TRPM6: variants seen among roughly 807,000 people sequenced by gnomAD.
TRPM6 encodes the protein channel kinase 2.
Under a neutral mutation model 247.6 loss-of-function variants are expected in TRPM6, and 111 were observed. The observed-to-expected ratio is 0.45, with a 90% CI of 0.38 to 0.52. TRPM6 has a LOEUF of 0.52. Ranked by LOEUF, TRPM6 falls within the 20% of genes least tolerant of loss-of-function variation. The pLI is 0.00. For missense variants in TRPM6, 2,126 were observed against 2,421.5 expected, an observed-to-expected ratio of 0.88 and a Z score of 2.56; for synonymous variants, 892 against 853.8, an observed-to-expected ratio of 1.04 and a Z score of -0.78.
At chr9:74,887,372 C>T (rs534811879) in intron 1 of TRPM6, 4 of 1,390,788 alleles carry the variant, frequency 2.9e-6, no homozygotes, top group Middle Eastern at 2.5e-4. Flanking sequence ...AGTCAGCGTC[C>T]GGGTCTGAGA....
At chr9:74,842,978 G>A (rs978250670) in intron 3 of TRPM6, among the ~76,000 whole-genome samples, 17 of 152,174 alleles carry the variant, frequency 1.1e-4, no homozygotes, top group Non-Finnish European at 2.2e-4. Flanking sequence ...TTTCTCTGTA[G>A]CATGTGATGC....
intron 21 of TRPM6, 25 bp downstream of exon 21, chr9:74,785,849 G>A: frequency 1.2e-6 from 2 of 1,613,700 alleles, no homozygotes; most frequent in Non-Finnish European, 1.7e-6. Context: ...AAGAATACCA[G>A]GATATAAAAC....
chr9:74,864,053 A>T (rs1830772520), intron 1 of TRPM6, among the ~76,000 whole-genome samples: 1 of 151,988 alleles, frequency 6.6e-6, no homozygotes, highest in African/African-American at 2.4e-5. Context: ...TCCGATTTTG[A>T]TTTCCTGCAT....
At chr9:74,771,952 C>A in intron 24 of TRPM6, 117 bp from the exon 25 acceptor site, 1 of 933,254 alleles carries the variant, frequency 1.1e-6, no homozygotes, top group South Asian at 1.4e-5. Flanking sequence ...AAGTTTGTCA[C>A]CTTGTCAAAC....
chr9:74,739,637 G>A (rs1458809959), intron 34 of TRPM6, 86 bp downstream of exon 34: 2 of 1,579,552 alleles, frequency 1.3e-6, no homozygotes, highest in Admixed American at 3.3e-5. Flanking sequence ...TTGGGTTGAG[G>A]ATAATGGCCT....
intron 27 of TRPM6, among the ~76,000 whole-genome samples, chr9:74,758,013 A>G (rs1250431068): frequency 6.6e-6 from 1 of 152,222 alleles, no homozygotes; most frequent in Non-Finnish European, 1.5e-5. Flanking sequence ...ATAAGAGAAG[A>G]TTATGAACAT....
intron 1 of TRPM6, among the ~76,000 whole-genome samples, chr9:74,884,078 C>G (rs745774151): frequency 6.6e-6 from 1 of 151,424 alleles, no homozygotes; most frequent in South Asian, 2.1e-4. Flanking sequence ...GAACCTGGGA[C>G]GCAGAGGTTG....
Position 74,887,355 on chromosome 9 carries a change from C to T in TRPM6, c.33+469G>A, listed in dbSNP as rs190545615. The T allele has an allele frequency of 2.4e-5, 33 of 1,393,002 alleles. No individual in the cohort carries two copies. The East Asian group carries it at 6.2e-4, about 26-fold the overall frequency. 86.3% of individuals were successfully genotyped at this position (1,393,002 alleles called of 1,614,324 possible). On this transcript the variant is annotated intron_variant, in intron 1 of 38. Transcript: ENST00000360774. ...CCAGCCGCCTCGGAAAGCCGCGACC[C>T]CCGGCTAGTCAGCGTCCGGGTCTGA...
At chr9:74,823,873 A>G (rs1201932392) in intron 7 of TRPM6, among the ~76,000 whole-genome samples, 1 of 152,076 alleles carries the variant, frequency 6.6e-6, no homozygotes, top group South Asian at 2.1e-4. Context: ...CAAAAGAAGC[A>G]TTATGAAATC....
chr9:74,886,498 A>T (rs1236268554), intron 1 of TRPM6, among the ~76,000 whole-genome samples: 1 of 151,812 alleles, frequency 6.6e-6, no homozygotes, highest in African/African-American at 2.4e-5. Flanking sequence ...CTATGTTCTC[A>T]GTGTCTTTTT....
intron 3 of TRPM6, among the ~76,000 whole-genome samples, chr9:74,854,465 C>T (rs562145222): frequency 6.6e-6 from 1 of 151,994 alleles, no homozygotes; most frequent in African/African-American, 2.4e-5. Context: ...TAGCAAACAC[C>T]GCAATTACGT....
intron 34 of TRPM6, 30 bp downstream of exon 34, chr9:74,739,693 G>C: frequency 6.2e-7 from 1 of 1,608,178 alleles, no homozygotes; most frequent in Non-Finnish European, 8.5e-7. Flanking sequence ...TTGTCCCTCT[G>C]GGCTATGGGT....
At chr9:74,744,061 T>A in intron 32 of TRPM6, 34 bp downstream of exon 32, 3 of 1,602,890 alleles carry the variant, frequency 1.9e-6, no homozygotes, top group Non-Finnish European at 2.6e-6. Context: ...GACATTTAGC[T>A]CAGCTGACAT....
chr9:74,796,153 C>T (rs542657890), intron 18 of TRPM6, among the ~76,000 whole-genome samples: 5 of 152,316 alleles, frequency 3.3e-5, no homozygotes, highest in African/African-American at 1.2e-4. Flanking sequence ...AACATAGCAG[C>T]TTATTAATAA....
chr9:74,839,583 C>A (rs915778463), intron 5 of TRPM6, among the ~76,000 whole-genome samples: 2 of 152,076 alleles, frequency 1.3e-5, no homozygotes, highest in African/African-American at 4.8e-5. Context: ...GATTCGATGT[C>A]CCTTCTAGCC....
intron 3 of TRPM6, among the ~76,000 whole-genome samples, chr9:74,852,091 G>A (rs1370170642): frequency 6.6e-6 from 1 of 151,844 alleles, no homozygotes; most frequent in Non-Finnish European, 1.5e-5. Context: ...AGCTATGACT[G>A]TACCACCGCA....
At chr9:74,881,079 G>A (rs1206605477) in intron 1 of TRPM6, among the ~76,000 whole-genome samples, 4 of 152,136 alleles carry the variant, frequency 2.6e-5, no homozygotes, top group African/African-American at 9.7e-5. Flanking sequence ...AGGATCACTT[G>A]AGGCCAGGAG....
At chr9:74,751,412 T>C (rs1826239706) in intron 29 of TRPM6, among the ~76,000 whole-genome samples, 1 of 152,192 alleles carries the variant, frequency 6.6e-6, no homozygotes, top group Admixed American at 6.5e-5. Flanking sequence ...GAGCCAGAAT[T>C]TGAACACAGG....
In TRPM6 at chr9:74,723,794, T is replaced by C. The variant is rs898793231; in HGVS notation, c.*819A>G. 80 of 104,730 alleles carry C rather than the reference T, an allele frequency of 7.6e-4. No homozygotes were observed. Among genetic ancestry groups the C allele is most frequent in the African/African-American group, 2.9e-3 (74 of 25,460 alleles). 6.5% of individuals were successfully genotyped at this position (104,730 alleles called of 1,614,324 possible). On this transcript the variant is annotated 3_prime_UTR_variant, in exon 39 of 39. Transcript: ENST00000360774. ...CCTGGGTAAAAAGAGTGAAACTCCA[T>C]CTCAAAAATAAAAATATATATATAT...
Sources: allele counts gnomAD v4.1 joint callset (sites outside exome capture counted in the v4.1 genomes callset), GRCh38; gene constraint gnomAD v4.1.1; transcripts MANE v1.5; gene names NCBI Gene and HGNC (gene_info 2026-07-23, HGNC 2026-07-21).